The following LARP1B variants were observed in gnomAD, a reference collection of about 807,000 sequenced individuals.
LARP1B encodes La ribonucleoprotein 1B, also known as la-related protein 1B.
Under a neutral mutation model 114.2 loss-of-function variants are expected in LARP1B, and 76 were observed. The observed-to-expected ratio is 0.67, with a 90% CI of 0.55 to 0.81. The LOEUF (loss-of-function observed/expected upper bound fraction) is 0.81. Among genes scored for constraint, LARP1B ranks in the 30% least tolerant of loss-of-function variants. LARP1B has a pLI of 0.00. For missense variants in LARP1B, 1,014 were observed against 1,075.8 expected (o/e 0.94, Z 0.80); for synonymous variants, 345 against 348.0 (o/e 0.99, Z 0.10).
intron 11 of LARP1B, 34 bp from the exon 12 acceptor site, chr4:128,162,160 A>G (rs1258418442): frequency 6.2e-7 from 1 of 1,603,582 alleles, no homozygotes; most frequent in African/African-American, 1.3e-5. Context: ...TCTGTTAGCC[A>G]GTTTAGTAAT....
At chr4:128,087,297 C>T (rs939466902) in intron 5 of LARP1B, among the ~76,000 whole-genome samples, 3 of 152,160 alleles carry the variant, frequency 2.0e-5, no homozygotes, top group African/African-American at 7.2e-5. Context: ...ATAGGATGAG[C>T]ATTTGTTTTT....
intron 6 of LARP1B, 31 bp from the exon 7 acceptor site, chr4:128,091,316 A>G (rs1208029357): frequency 1.9e-6 from 3 of 1,581,256 alleles, no homozygotes; most frequent in Admixed American, 1.8e-5. Flanking sequence ...CTAATATGTG[A>G]TTACCTTTCT....
At chr4:128,149,135 T>A (rs764796851) in intron 11 of LARP1B, among the ~76,000 whole-genome samples, 7 of 152,180 alleles carry the variant, frequency 4.6e-5, no homozygotes, top group Non-Finnish European at 8.8e-5. Flanking sequence ...ATGCATACAT[T>A]CATTGAGTAG....
intron 11 of LARP1B, among the ~76,000 whole-genome samples, chr4:128,152,820 A>G (rs1455834113): frequency 6.6e-6 from 1 of 152,090 alleles, no homozygotes; most frequent in African/African-American, 2.4e-5. Context: ...GCTTATAACC[A>G]GCATGTTGTC....
chr4:128,222,357 T>C (rs948326626), exon 8 of LARP1B: 1 of 456,740 alleles, frequency 2.2e-6, no homozygotes, highest in Non-Finnish European at 4.4e-6. Context: ...AGAATCACCA[T>C]GATCGATTAC....
At chr4:128,084,042 A>G (rs1254638335) in intron 5 of LARP1B, among the ~76,000 whole-genome samples, 22 of 150,076 alleles carry the variant, frequency 1.5e-4, no homozygotes, top group African/African-American at 4.5e-4. Flanking sequence ...CCGGGCAGAG[A>G]CGCTCCTCAC....
At chr4:128,217,703 A>T (rs1223668499) in intron 6 of LARP1B, among the ~76,000 whole-genome samples, 4 of 29,094 alleles carry the variant, frequency 1.4e-4, no homozygotes, top group Admixed American at 5.5e-4. Context: ...AATGGGCAAA[A>T]ACTGGAAGCA....
intron 11 of LARP1B, among the ~76,000 whole-genome samples, chr4:128,132,735 G>A (rs1227797341): frequency 6.6e-6 from 1 of 151,978 alleles, no homozygotes; most frequent in Non-Finnish European, 1.5e-5. Flanking sequence ...TAATTTTATG[G>A]AAGACAGTTT....
intron 15 of LARP1B, among the ~76,000 whole-genome samples, chr4:128,196,676 C>T (rs971829366): frequency 6.6e-6 from 1 of 151,608 alleles, no homozygotes; most frequent in Non-Finnish European, 1.5e-5. Context: ...CTCACTGCAA[C>T]CTCTACCAGC....
At position 128,114,551 on chromosome 4, in the gene LARP1B, A is replaced by G. The variant is rs776765201; in HGVS notation, c.989-19A>G. The G allele has an allele frequency of 6.4e-7, 1 of 1,573,276 alleles. No homozygotes were observed. The highest frequency in any genetic ancestry group is 1.1e-5 in the South Asian group (1 of 87,134). On this transcript the variant is annotated intron_variant, in intron 9 of 19. Transcript: ENST00000326639. ...AAAGCCATTATCATTTTAACTATAGAACTAACTTAAAATTTTAGAGTCTGC... is the reference window on the plus strand; with the variant it reads ...AAAGCCATTATCATTTTAACTATAGGACTAACTTAAAATTTTAGAGTCTGC...
In LARP1B at chr4:128,191,742, T is replaced by G. The variant is rs141945063; in HGVS notation, c.2004-7697T>G. Among the ~76,000 whole-genome samples the G allele has an allele frequency of 9.2e-5, 14 of 152,294 alleles. No homozygotes were observed. The East Asian group carries it at 2.5e-3, about 27-fold the overall frequency. On this transcript the variant is annotated intron_variant, in intron 15 of 19. Transcript: ENST00000326639. Reference sequence around the variant, plus strand: ...TTCCTGCTTCCCCTCTTTTTCTGCCTTCATGATTTTTTTTTCTCCCTGCTA... The same window carrying G: ...TTCCTGCTTCCCCTCTTTTTCTGCCGTCATGATTTTTTTTTCTCCCTGCTA...
intron 9 of LARP1B, chr4:128,108,033 A>T: frequency 1.3e-6 from 2 of 1,492,710 alleles, no homozygotes; most frequent in Non-Finnish European, 1.8e-6. Context: ...AAGAATGTCT[A>T]TTCCCACCTC....
intron 11 of LARP1B, among the ~76,000 whole-genome samples, chr4:128,132,855 A>C (rs1280976820): frequency 2.6e-5 from 4 of 152,010 alleles, no homozygotes; most frequent in Non-Finnish European, 4.4e-5. Context: ...TGTGCAATTT[A>C]TCATAATGTA....
At chr4:128,201,368 C>T (rs1298272536) in intron 17 of LARP1B, among the ~76,000 whole-genome samples, 1 of 152,152 alleles carries the variant, frequency 6.6e-6, no homozygotes, top group Non-Finnish European at 1.5e-5. Flanking sequence ...TCCCATGCTC[C>T]CACCATTACA....
chr4:128,093,710 T>C (rs1776715739), intron 7 of LARP1B, among the ~76,000 whole-genome samples: 1 of 16,442 alleles, frequency 6.1e-5, no homozygotes, highest in Non-Finnish European at 1.3e-4. Flanking sequence ...TTTTTTAAAC[T>C]TTTTTTTTTT....
chr4:128,204,210 C>T (rs950704511), intron 17 of LARP1B, among the ~76,000 whole-genome samples: 4 of 146,258 alleles, frequency 2.7e-5, no homozygotes, highest in African/African-American at 9.8e-5. Flanking sequence ...CTTACTTCTC[C>T]AGAAATAAAG....
At chr4:128,084,849 G>T (rs1772773668) in intron 5 of LARP1B, among the ~76,000 whole-genome samples, 2 of 151,736 alleles carry the variant, frequency 1.3e-5, no homozygotes, top group African/African-American at 2.4e-5. Context: ...TTACAACATT[G>T]ATTATTATTA....
At chr4:128,104,372 A>T (rs1378659528) in intron 8 of LARP1B, among the ~76,000 whole-genome samples, 1 of 152,262 alleles carries the variant, frequency 6.6e-6, no homozygotes, top group East Asian at 1.9e-4. Context: ...GGTGTATAGC[A>T]GTTGTTTACT....
In LARP1B at chr4:128,098,876, C is replaced by T. The variant is rs1237043395; in HGVS notation, c.813+546C>T. On this transcript the variant is annotated intron_variant, in intron 8 of 19. Transcript: ENST00000326639. ...CACCACAACATCTGCCTCTTGGGTT[C>T]AAGCGATTCTCCTGCCTCAGCCTTC... is the stretch of plus-strand genomic sequence containing the variant. 8.3e-5 allele frequency among the ~76,000 whole-genome samples: 12 copies of T among 144,946 alleles called. No homozygotes were observed. In the Admixed American group the frequency reaches 8.6e-4, roughly 10 times the overall value.
Sources: gnomAD v4.1 joint callset for allele counts (sites outside exome capture counted in the v4.1 genomes callset) on GRCh38, gnomAD v4.1.1 for gene constraint, MANE v1.5 for transcripts, NCBI Gene and HGNC (gene_info 2026-07-23, HGNC 2026-07-21) for gene names.